The following CANX variants were observed in gnomAD, a reference collection of about 807,000 sequenced individuals.
The protein encoded by CANX is calnexin.
In CANX, 14 loss-of-function variants were observed where a neutral mutation model predicts 75.7. The observed-to-expected ratio is 0.19, with a 90% confidence interval of 0.12 to 0.29. CANX has a LOEUF of 0.29. Among genes scored for constraint, CANX ranks in the 10% least tolerant of loss-of-function variants. CANX has a pLI of 1.00. For synonymous variants in CANX, 227 were observed against 236.9 expected, an observed-to-expected ratio of 0.96 and a Z score of 0.38; for missense variants, 567 against 713.2, an observed-to-expected ratio of 0.79 and a Z score of 2.34.
intron 1 of CANX, among the ~76,000 whole-genome samples, chr5:179,681,193 C>A (rs1776054986): frequency 6.6e-6 from 1 of 152,194 alleles, no homozygotes; most frequent in Non-Finnish European, 1.5e-5. Flanking sequence ...TGAGCACCTA[C>A]TGTGTTCTAG....
At chr5:179,698,394 C>G, upstream of CANX, 1 of 1,220,846 alleles carries the variant, frequency 8.2e-7, no homozygotes, top group African/African-American at 1.6e-5. Context: ...GGAACTGCGG[C>G]GCCGGCTCAC....
At chr5:179,695,865 C>A (rs1776390999), upstream of CANX, among the ~76,000 whole-genome samples, 1 of 150,852 alleles carries the variant, frequency 6.6e-6, no homozygotes, top group Non-Finnish European at 1.5e-5. Context: ...GTCTCGATCT[C>A]CTGACCTCAT....
chr5:179,715,885 G>A, intron 7 of CANX: 1 of 580,368 alleles, frequency 1.7e-6, no homozygotes, highest in South Asian at 1.7e-5. Context: ...ACTATCATTT[G>A]CTGTAATTCT....
intron 2 of CANX, 89 bp downstream of exon 2, chr5:179,705,941 C>A: frequency 9.3e-7 from 1 of 1,080,772 alleles, no homozygotes; most frequent in Non-Finnish European, 1.4e-6. Flanking sequence ...GTAGTCTCAA[C>A]TACTCAGGAG....
intron 1 of CANX, chr5:179,678,975 G>A: frequency 6.5e-7 from 1 of 1,535,890 alleles, no homozygotes; most frequent in Non-Finnish European, 8.7e-7. Context: ...AGCTCGGCCT[G>A]GCGCGTGTTG....
At chr5:179,712,171 TTTGTTG>T (rs761927915) in intron 7 of CANX, among the ~76,000 whole-genome samples, 3 of 151,862 alleles carry the variant, frequency 2.0e-5, no homozygotes, top group Non-Finnish European at 4.4e-5. Flanking sequence ...CTTCCTTTTT[TTTGTTG>T]TTGTTGTTGA....
chr5:179,685,572 G>C (rs1291666771), intron 1 of CANX, among the ~76,000 whole-genome samples: 1 of 23,064 alleles, frequency 4.3e-5, no homozygotes, highest in East Asian at 1.3e-3. Context: ...TTTTTTTTTT[G>C]AGATGGAGTT....
At chr5:179,723,094 T>C in intron 11 of CANX, 75 bp downstream of exon 11, 1 of 1,283,630 alleles carries the variant, frequency 7.8e-7, no homozygotes, top group African/African-American at 1.5e-5. Context: ...TGTGTTAAGG[T>C]TTTTTTTCTT....
In CANX at chr5:179,723,569, GC is replaced by G. The variant is rs1286153793; in HGVS notation, c.1399-89del. ...TCTGAAAAAGAAGGTCCTGCGTAGT[GC>G]CATGCCATAACTGAACTGCAGAAAA... On this transcript the variant is annotated intron_variant, in intron 11 of 14. Coordinates refer to ENST00000247461, the MANE Select transcript of CANX (RefSeq NM_001746.4). The G allele has an allele frequency of 3.0e-6, 4 of 1,338,460 alleles. No individual in the cohort carries two copies. The African/African-American group carries it at 5.9e-5, about 20-fold the overall frequency. The allele number at this position is 1,338,460 out of a possible 1,614,324, so 82.9% of individuals were successfully genotyped here. A position where few individuals can be genotyped will look rare whatever the true frequency, so the allele number is the denominator to read the frequency against.
intron 6 of CANX, chr5:179,709,614 C>T (rs1000126546): frequency 3.0e-5 from 8 of 268,318 alleles, no homozygotes; most frequent in African/African-American, 1.8e-4. Context: ...TTTTGGCAAG[C>T]TTATTTCTTT....
At chr5:179,725,391 A>C (rs1298454555) in intron 13 of CANX, among the ~76,000 whole-genome samples, 1 of 152,002 alleles carries the variant, frequency 6.6e-6, no homozygotes, top group Non-Finnish European at 1.5e-5. Flanking sequence ...CTCTTAAAAA[A>C]AAATTGTTGG....
intron 13 of CANX, among the ~76,000 whole-genome samples, chr5:179,726,036 C>T (rs374504480): frequency 6.6e-6 from 1 of 151,728 alleles, no homozygotes; most frequent in African/African-American, 2.4e-5. Flanking sequence ...CGCCTATAAT[C>T]CCAGCACTTT....
chr5:179,728,897 G>T lies in CANX; in HGVS notation c.*253G>T. ...TAATGGTTGTGAAATGTAACATGAA[G>T]CAAACTAACTTTTTTTTTTTTAACA... On this transcript the variant is annotated 3_prime_UTR_variant, in exon 15 of 15. Coordinates refer to ENST00000247461, the MANE Select transcript of CANX (RefSeq NM_001746.4). The T allele has an allele frequency of 7.9e-6, 4 of 505,944 alleles. No homozygotes were observed. The highest frequency in any genetic ancestry group is 4.0e-5 in the East Asian group (1 of 25,114). The allele number at this position is 505,944 out of a possible 1,614,324, so 31.3% of individuals were successfully genotyped here. A position where few individuals can be genotyped will look rare whatever the true frequency, so the allele number is the denominator to read the frequency against.
At chr5:179,708,489 T>C in intron 5 of CANX, 109 bp downstream of exon 5, 1 of 996,456 alleles carries the variant, frequency 1.0e-6, no homozygotes, top group African/African-American at 1.6e-5. Context: ...TAAGTGGTGG[T>C]AGGGATTTTT....
rs1257673448 is a variant in CANX at position 179,716,224 on chromosome 5, G to A, written c.841G>A (p.Asp281Asn). 6.2e-7 allele frequency: 1 copy of A among 1,614,158 alleles called. No individual in the cohort carries two copies. The highest frequency in any genetic ancestry group is 2.2e-5 in the East Asian group (1 of 44,884). The change falls in exon 8 of 15, where the codon GAC (aspartate) becomes AAC (asparagine). Residue 281 changes from aspartate (D) to asparagine (N), a missense_variant. Physicochemically the swap from Asp to Asn is conservative, Grantham distance 23. Transcript: ENST00000247461. ...TTCACGTGAAATTGAGGACCCAGAA[G>A]ACCGGAAGCCCGAGGATTGGGATGA... is the stretch of plus-strand genomic sequence containing the variant. ...NPSREIEDPE[D>N]RKPEDWDERP...
intron 7 of CANX, 25 bp downstream of exon 7, chr5:179,710,090 G>A (rs952566443): frequency 2.2e-6 from 3 of 1,365,096 alleles, no homozygotes; most frequent in South Asian, 2.5e-5. Flanking sequence ...TAGTTTGGGG[G>A]CTTATGGTAT....
Position 179,729,661 on chromosome 5 carries a change from T to G in CANX, c.*1017T>G, listed in dbSNP as rs1236774326. 3 of 152,710 alleles carry G rather than the reference T, an allele frequency of 2.0e-5. No homozygotes were observed. Among genetic ancestry groups the G allele is most frequent in the Non-Finnish European group, 4.4e-5 (3 of 68,054 alleles). 9.5% of individuals were successfully genotyped at this position (152,710 alleles called of 1,614,324 possible). A position where few individuals can be genotyped will look rare whatever the true frequency, so the allele number is the denominator to read the frequency against. Reference sequence around the variant, plus strand: ...TTATTGTGATTACGTGTATGTTTCTTCTTTCTTTTAAGCAGACCCATACCT... The same window carrying G: ...TTATTGTGATTACGTGTATGTTTCTGCTTTCTTTTAAGCAGACCCATACCT... On this transcript the variant is annotated 3_prime_UTR_variant, in exon 15 of 15. Coordinates refer to ENST00000247461, the MANE Select transcript of CANX (RefSeq NM_001746.4).
At chr5:179,682,709 CA>C (rs11461581) in intron 1 of CANX, among the ~76,000 whole-genome samples, 3,387 of 97,832 alleles carry the variant, frequency 0.035, 38 homozygotes, top group African/African-American at 0.048. Flanking sequence ...GACTCTGTCT[CA>C]AAAAAAAAAA....
intron 2 of CANX, 103 bp downstream of exon 2, chr5:179,705,955 T>G (rs1777107279): frequency 6.7e-6 from 6 of 898,404 alleles, no homozygotes; most frequent in Non-Finnish European, 1.1e-5. Flanking sequence ...TCAGGAGGCC[T>G]AGGACAGGAG....
Sources: allele counts gnomAD v4.1 joint callset (sites outside exome capture counted in the v4.1 genomes callset), GRCh38; gene constraint gnomAD v4.1.1; transcripts MANE v1.5; gene names NCBI Gene and HGNC (gene_info 2026-07-23, HGNC 2026-07-21).